Variants in TTC3 observed in about 807,000 individuals in gnomAD.
TTC3 encodes the protein tetratricopeptide repeat domain 3, also known as E3 ubiquitin-protein ligase TTC3.
TTC3 carries 180 observed loss-of-function variants against 249.6 expected under a neutral mutation model. The observed-to-expected ratio is 0.72, with a 90% CI of 0.64 to 0.82. The LOEUF (loss-of-function observed/expected upper bound fraction) is 0.82, where lower values mean the gene tolerates loss of function less well. Among genes scored for constraint, TTC3 ranks in the 40% least tolerant of loss-of-function variants. TTC3 has a pLI of 0.00. For synonymous variants in TTC3, 717 were observed against 805.0 expected (o/e 0.89, Z 1.85); for missense variants, 2,061 against 2,398.4 (o/e 0.86, Z 2.94).
chr21:37,164,070 G>T lies in TTC3; in HGVS notation c.3190G>T (p.Ala1064Ser), dbSNP rs775599525. The stretch of plus-strand genomic sequence containing the variant: ...TACCAGCAATCGAAATTCAGATTCT[G>T]CAGGCCCATTTGCAGTGCCTGACCA... Residue 1064 changes from alanine (A) to serine (S), a missense_variant, in exon 32 of 46, where the codon GCA becomes TCA. Around this residue, in one of 3 missense-constraint regions of TTC3, gnomAD observed 1,040 missense variants for 1,186.1 expected, o/e 0.88. Coordinates refer to ENST00000355666, the Ensembl canonical transcript of TTC3. 8.1e-6 allele frequency: 13 copies of T among 1,609,132 alleles called. 1 individual carries two copies. The East Asian group carries it at 2.0e-4, about 25-fold the overall frequency.
chr21:37,117,284 T>C (rs2076216659), intron 11 of TTC3, among the ~76,000 whole-genome samples: 1 of 152,152 alleles, frequency 6.6e-6, no homozygotes, highest in South Asian at 2.1e-4. Flanking sequence ...TGCCTTATTT[T>C]ACACATGAAG....
chr21:37,174,250 A>G (rs2082049733), intron 35 of TTC3, among the ~76,000 whole-genome samples: 1 of 152,162 alleles, frequency 6.6e-6, no homozygotes, highest in Admixed American at 6.5e-5. Context: ...TTAACTTGTT[A>G]AGGCTTTGAG....
At chr21:37,134,093 T>C (rs892333819) in intron 17 of TTC3, among the ~76,000 whole-genome samples, 6 of 152,196 alleles carry the variant, frequency 3.9e-5, no homozygotes, top group African/African-American at 1.4e-4. Flanking sequence ...TAAGTTTTTC[T>C]GAAAGCTGCT....
intron 11 of TTC3, among the ~76,000 whole-genome samples, chr21:37,117,677 A>G (rs1321554284): frequency 6.6e-5 from 10 of 152,014 alleles, no homozygotes; most frequent in Non-Finnish European, 1.2e-4. Flanking sequence ...CTTGAGTTCA[A>G]GACCAGCCTG....
exon 1 of TTC3, chr21:37,073,315 G>GGGGCCT (rs2070289736): frequency 2.6e-6 from 1 of 379,030 alleles, no homozygotes; most frequent in African/African-American, 2.3e-5. Context: ...CGGCGGCGGC[G>GGGGCCT]GCTGCTGCTG....
chr21:37,156,304 T>C (rs765504458), intron 27 of TTC3, among the ~76,000 whole-genome samples: 2 of 152,048 alleles, frequency 1.3e-5, no homozygotes, highest in African/African-American at 4.8e-5. Flanking sequence ...CCCAAAGTGC[T>C]GGGGTTACGG....
chr21:37,191,098 A>G (rs1271692430), intron 39 of TTC3, among the ~76,000 whole-genome samples: 2 of 152,114 alleles, frequency 1.3e-5, no homozygotes, highest in Non-Finnish European at 2.9e-5. Context: ...AATTCAGGAG[A>G]CTTATTTTCT....
chr21:37,200,233 C>T (rs760757904), exon 45 of TTC3: 49 of 1,614,032 alleles, frequency 3.0e-5, no homozygotes, highest in Non-Finnish European at 4.2e-5. Flanking sequence ...TTTCCACAGG[C>T]ACTGGGTGCA....
intron 2 of TTC3, 77 bp downstream of exon 2, chr21:37,087,478 A>G (rs2072655898): frequency 1.4e-5 from 21 of 1,554,544 alleles, no homozygotes; most frequent in Non-Finnish European, 1.8e-5. Context: ...CTGAGTAAAG[A>G]TGTTTTTGTG....
At chr21:37,126,959 A>C (rs142456643) in intron 15 of TTC3, among the ~76,000 whole-genome samples, 2 of 151,778 alleles carry the variant, frequency 1.3e-5, no homozygotes, top group Non-Finnish European at 2.9e-5. Flanking sequence ...GGTTCAAGCA[A>C]TTCTCCTGCC....
chr21:37,201,384 G>T lies in TTC3; in HGVS notation c.5944-56G>T, dbSNP rs2085485236. 3.7e-6 allele frequency: 6 copies of T among 1,610,504 alleles called. No homozygotes were observed. The South Asian group carries it at 6.6e-5, about 18-fold the overall frequency. On this transcript the variant is annotated intron_variant, in intron 45 of 45. Coordinates refer to ENST00000355666, the Ensembl canonical transcript of TTC3. ...CCAAGGAGCCCAGCAGCACAGGGGAGCTAAGCTTCCTCATGGTCCTGAAGG... is the reference window on the plus strand; with the variant it reads ...CCAAGGAGCCCAGCAGCACAGGGGATCTAAGCTTCCTCATGGTCCTGAAGG...
chr21:37,129,681 G>A (rs776358512), intron 16 of TTC3, among the ~76,000 whole-genome samples: 5 of 151,574 alleles, frequency 3.3e-5, no homozygotes, highest in African/African-American at 1.2e-4. Flanking sequence ...CTTAGGCTGC[G>A]GTGCAGTGGT....
intron 45 of TTC3, 103 bp from the exon 46 acceptor site, chr21:37,201,337 A>G: frequency 6.9e-7 from 1 of 1,455,552 alleles, no homozygotes; most frequent in Non-Finnish European, 9.6e-7. Flanking sequence ...CCAAGAGACC[A>G]AGGGCAAGTG....
exon 27 of TTC3, chr21:37,153,157 A>G (rs1361575439): frequency 1.2e-6 from 2 of 1,614,146 alleles, no homozygotes; most frequent in Admixed American, 1.7e-5. Flanking sequence ...GGACTATGTT[A>G]TTCGCCACTT....
At chr21:37,144,185 A>G (rs577012225) in intron 20 of TTC3, among the ~76,000 whole-genome samples, 2 of 151,926 alleles carry the variant, frequency 1.3e-5, no homozygotes, top group African/African-American at 4.8e-5. Flanking sequence ...TGGCACATGT[A>G]TACCTATGTA....
chr21:37,110,887 T>TG (rs1331980665), intron 11 of TTC3, among the ~76,000 whole-genome samples: 171 of 152,086 alleles, frequency 1.1e-3, no homozygotes, highest in African/African-American at 3.8e-3. Context: ...CAGAAGAGAG[T>TG]GGGGGCGAAT....
intron 1 of TTC3, chr21:37,086,184 A>C (rs1384538716): frequency 6.6e-6 from 1 of 152,210 alleles, no homozygotes; most frequent in Non-Finnish European, 1.5e-5. Context: ...TGATTAAATA[A>C]ATAGATTTGA....
intron 8 of TTC3, among the ~76,000 whole-genome samples, chr21:37,094,663 A>C (rs1213937602): frequency 2.0e-5 from 3 of 151,698 alleles, no homozygotes; most frequent in African/African-American, 7.3e-5. Flanking sequence ...GCTAACCTAA[A>C]GTTAAAATTC....
chr21:37,192,600 A>G (rs1243033862), intron 41 of TTC3, among the ~76,000 whole-genome samples: 3 of 151,574 alleles, frequency 2.0e-5, no homozygotes, highest in Admixed American at 6.6e-5. Context: ...TTGTGATTCA[A>G]GCAGGCCGCT....
Sources: gnomAD v4.1 joint callset for allele counts (sites outside exome capture counted in the v4.1 genomes callset) on GRCh38, gnomAD v4.1.1 for gene constraint, gnomAD v4.1.1 regional missense constraint, MANE v1.5 for transcripts, NCBI Gene and HGNC (gene_info 2026-07-23, HGNC 2026-07-21) for gene names.